Variants in C3orf20 observed in about 807,000 individuals in gnomAD.
The protein encoded by C3orf20 is family with sequence similarity 149 member C.
C3orf20 carries 76 observed loss-of-function variants against 88.3 expected under a neutral mutation model. The observed-to-expected ratio is 0.86, with a 90% CI of 0.72 to 1.04. The LOEUF (loss-of-function observed/expected upper bound fraction) is 1.04. Among genes scored for constraint, C3orf20 ranks in the 50% least tolerant of loss-of-function variants. C3orf20 has a pLI of 0.00. For missense variants in C3orf20, 1,056 were observed against 1,123.3 expected (o/e 0.94, Z 0.86); for synonymous variants, 436 against 437.4 (o/e 1.00, Z 0.04).
intron 3 of C3orf20, among the ~76,000 whole-genome samples, chr3:14,683,975 C>T (rs2032257316): frequency 6.6e-6 from 1 of 151,772 alleles, no homozygotes; most frequent in African/African-American, 2.4e-5. Flanking sequence ...ATGGAGCCTT[C>T]TGGATGCTGC....
intron 12 of C3orf20, among the ~76,000 whole-genome samples, chr3:14,746,528 C>T (rs1368259): frequency 0.27 from 41,533 of 152,034 alleles, 6,564 homozygotes; most frequent in African/African-American, 0.42. Context: ...TCCATTTTCA[C>T]ATCTCCTCCT....
chr3:14,726,934 G>A lies in C3orf20; in HGVS notation c.1600G>A (p.Val534Met), dbSNP rs777000183. The part of the protein sequence containing the change: ...NRRISNMDDK[V>M]YKMSRALAEI... Reference sequence around the variant, plus strand: ...CAGAATCAGCAACATGGACGACAAGGTGTATAAGATGAGCCGAGCCCTGGC... The same window carrying A: ...CAGAATCAGCAACATGGACGACAAGATGTATAAGATGAGCCGAGCCCTGGC... Residue 534 changes from valine (V) to methionine (M), a missense_variant, in exon 11 of 17, where the codon GTG (valine) becomes ATG (methionine). Transcript: ENST00000253697. 6.2e-6 allele frequency: 10 copies of A among 1,614,158 alleles called. No individual in the cohort carries two copies. Among genetic ancestry groups the A allele is most frequent in the Non-Finnish European group, 8.5e-6 (10 of 1,180,034 alleles).
intron 12 of C3orf20, among the ~76,000 whole-genome samples, chr3:14,747,539 C>T (rs915164308): frequency 2.0e-5 from 3 of 152,152 alleles, no homozygotes; most frequent in African/African-American, 7.2e-5. Context: ...AGGATCCAGT[C>T]TAGTCTACAG....
At chr3:14,756,374 T>C (rs2035373693) in intron 12 of C3orf20, among the ~76,000 whole-genome samples, 1 of 152,042 alleles carries the variant, frequency 6.6e-6, no homozygotes, top group Admixed American at 6.5e-5. Flanking sequence ...GTTGAATCTT[T>C]ACTATTTTTC....
chr3:14,734,041 T>G (rs1366408752), intron 12 of C3orf20, among the ~76,000 whole-genome samples: 2 of 152,216 alleles, frequency 1.3e-5, no homozygotes, highest in African/African-American at 4.8e-5. Flanking sequence ...ACTGTGTTGA[T>G]CTCTAGTGAT....
intron 5 of C3orf20, among the ~76,000 whole-genome samples, chr3:14,700,569 A>G (rs1407944606): frequency 3.9e-5 from 6 of 152,206 alleles, no homozygotes; most frequent in African/African-American, 7.2e-5. Flanking sequence ...CCTCTTGTCT[A>G]TGTGGCTGCT....
chr3:14,730,623 G>T (rs2034513702), intron 12 of C3orf20, among the ~76,000 whole-genome samples: 2 of 152,214 alleles, frequency 1.3e-5, no homozygotes, highest in Admixed American at 1.3e-4. Context: ...ATATTTGGTT[G>T]TTTAGGTAGT....
At chr3:14,760,351 C>G (rs1158739174) in intron 14 of C3orf20, among the ~76,000 whole-genome samples, 1 of 152,128 alleles carries the variant, frequency 6.6e-6, no homozygotes, top group Non-Finnish European at 1.5e-5. Context: ...TTATGGAAAG[C>G]TTAGAAAATA....
At chr3:14,752,280 T>C (rs1361695111) in intron 12 of C3orf20, among the ~76,000 whole-genome samples, 1 of 152,212 alleles carries the variant, frequency 6.6e-6, no homozygotes, top group Non-Finnish European at 1.5e-5. Flanking sequence ...GCTAGCCATA[T>C]GTAGAAAGCT....
chr3:14,709,643 C>T (rs1333419237), intron 7 of C3orf20, among the ~76,000 whole-genome samples: 2 of 152,094 alleles, frequency 1.3e-5, no homozygotes, highest in Non-Finnish European at 2.9e-5. Flanking sequence ...TCCCCCCAAC[C>T]CCCGCCATTC....
intron 13 of C3orf20, among the ~76,000 whole-genome samples, chr3:14,759,543 A>G (rs2035492813): frequency 6.6e-6 from 1 of 152,194 alleles, no homozygotes; most frequent in Non-Finnish European, 1.5e-5. Flanking sequence ...CCACCTAAGA[A>G]CACAGTTCCC....
chr3:14,743,091 C>T (rs933796522), intron 12 of C3orf20, among the ~76,000 whole-genome samples: 1 of 151,932 alleles, frequency 6.6e-6, no homozygotes, highest in Non-Finnish European at 1.5e-5. Context: ...AGTCTTAACT[C>T]ATTTCAGCAT....
intron 9 of C3orf20, among the ~76,000 whole-genome samples, chr3:14,718,703 C>T (rs2034031300): frequency 6.6e-6 from 1 of 152,220 alleles, no homozygotes; most frequent in Non-Finnish European, 1.5e-5. Flanking sequence ...CTTGTTTTAA[C>T]AGGCAATGAA....
chr3:14,675,690 GT>G (rs2031726092), intron 1 of C3orf20, among the ~76,000 whole-genome samples: 1 of 150,470 alleles, frequency 6.6e-6, no homozygotes. Flanking sequence ...TTTTGTTTTT[GT>G]TATTTATTTA....
chr3:14,765,224 A>G (rs1375795377), intron 15 of C3orf20: 2 of 152,284 alleles, frequency 1.3e-5, no homozygotes, highest in African/African-American at 4.8e-5. Context: ...GGATGAATAC[A>G]TAGAAGGCTT....
intron 7 of C3orf20, 21 bp from the exon 8 acceptor site, chr3:14,713,986 C>T: frequency 6.2e-7 from 1 of 1,613,616 alleles, no homozygotes; most frequent in Non-Finnish European, 8.5e-7. Context: ...TCTGTTAGTT[C>T]TACCTGAACA....
chr3:14,684,039 A>T (rs2032260635), intron 3 of C3orf20, among the ~76,000 whole-genome samples: 1 of 152,082 alleles, frequency 6.6e-6, no homozygotes, highest in Non-Finnish European at 1.5e-5. Flanking sequence ...AGGAAGAGAG[A>T]CAGGCAAAGG....
chr3:14,746,202 A>G (rs554006710), intron 12 of C3orf20, among the ~76,000 whole-genome samples: 1 of 152,350 alleles, frequency 6.6e-6, no homozygotes, highest in South Asian at 2.1e-4. Flanking sequence ...TCCAATAACA[A>G]GGAAAGTTGG....
At chr3:14,771,151 G>A (rs80334772) in intron 15 of C3orf20, among the ~76,000 whole-genome samples, 2,144 of 152,324 alleles carry the variant, frequency 0.014, 48 homozygotes, top group African/African-American at 0.047. Context: ...GGCTCCAGAA[G>A]GACCCTCGCC....
Sources: allele counts gnomAD v4.1 joint callset (sites outside exome capture counted in the v4.1 genomes callset), GRCh38; gene constraint gnomAD v4.1.1; transcripts MANE v1.5; gene names NCBI Gene and HGNC (gene_info 2026-07-23, HGNC 2026-07-21).